The following TNIK variants were observed in gnomAD, a reference collection of about 807,000 sequenced individuals.
The protein encoded by TNIK is TRAF2 and NCK interacting kinase.
In TNIK, 49 loss-of-function variants were observed where a neutral mutation model predicts 191.3. The ratio of observed to expected loss-of-function variants is 0.26; its 90% CI spans 0.20 to 0.32. TNIK has a LOEUF of 0.32. TNIK is among the 10% of genes least tolerant of loss of function. The pLI, the probability that TNIK is intolerant of heterozygous loss-of-function variation, is 1.00. For missense variants in TNIK, 1,155 were observed against 1,702.3 expected (o/e 0.68, Z 5.66); for synonymous variants, 594 against 600.9 (o/e 0.99, Z 0.17).
chr3:171,360,259 T>G (rs1266782840), intron 2 of TNIK, among the ~76,000 whole-genome samples: 2 of 152,210 alleles, frequency 1.3e-5, no homozygotes, highest in Non-Finnish European at 2.9e-5. Context: ...TGTGTCTACA[T>G]CCTTCAACAC....
chr3:171,232,138 T>C (rs1327284932), intron 2 of TNIK, among the ~76,000 whole-genome samples: 1 of 152,072 alleles, frequency 6.6e-6, no homozygotes, highest in Non-Finnish European at 1.5e-5. Flanking sequence ...TTATTTTTCC[T>C]TATAAGAGAA....
At chr3:171,382,467 C>T (rs929297650) in intron 1 of TNIK, among the ~76,000 whole-genome samples, 2 of 152,140 alleles carry the variant, frequency 1.3e-5, no homozygotes, top group African/African-American at 4.8e-5. Context: ...GTAATCCCCT[C>T]GCCTCAGCCT....
chr3:171,145,596 C>T (rs1034988722), intron 12 of TNIK, among the ~76,000 whole-genome samples: 12 of 152,038 alleles, frequency 7.9e-5, no homozygotes, highest in African/African-American at 2.9e-4. Flanking sequence ...TTTGTCCCAC[C>T]TGTTCAGGGG....
intron 6 of TNIK, among the ~76,000 whole-genome samples, chr3:171,189,066 A>C (rs886615030): frequency 6.6e-6 from 1 of 152,130 alleles, no homozygotes; most frequent in Non-Finnish European, 1.5e-5. Flanking sequence ...TGTACCTATT[A>C]AACAATAGCT....
At chr3:171,238,016 A>G (rs1744507922) in intron 2 of TNIK, among the ~76,000 whole-genome samples, 1 of 152,216 alleles carries the variant, frequency 6.6e-6, no homozygotes, top group Non-Finnish European at 1.5e-5. Context: ...GGTTAATAGC[A>G]GAAGACCCAG....
chr3:171,303,956 C>T (rs16856138), intron 2 of TNIK, among the ~76,000 whole-genome samples: 7,911 of 149,854 alleles, frequency 0.053, 235 homozygotes, highest in African/African-American at 0.066. Context: ...TGTGCAGAGG[C>T]GCTGAAGAAC....
chr3:171,417,708 A>C (rs1360761154), intron 1 of TNIK, among the ~76,000 whole-genome samples: 2 of 152,156 alleles, frequency 1.3e-5, no homozygotes, highest in Admixed American at 6.6e-5. Context: ...AACTTCAATA[A>C]GTATGTTTCT....
chr3:171,439,970 C>G (rs1403446096), intron 1 of TNIK, among the ~76,000 whole-genome samples: 1 of 152,170 alleles, frequency 6.6e-6, no homozygotes, highest in Non-Finnish European at 1.5e-5. Flanking sequence ...CCATACTCTC[C>G]CCATTACTCA....
chr3:171,396,098 G>T (rs78693341), intron 1 of TNIK, among the ~76,000 whole-genome samples: 7,667 of 151,780 alleles, frequency 0.051, 623 homozygotes, highest in African/African-American at 0.17. Context: ...CCACTCCTCA[G>T]ACCCCTCATC....
chr3:171,090,753 T>C (rs1043278169), intron 23 of TNIK, among the ~76,000 whole-genome samples: 1 of 152,116 alleles, frequency 6.6e-6, no homozygotes, highest in African/African-American at 2.4e-5. Flanking sequence ...GAGTAAAAAG[T>C]GGTCCTGTGG....
At chr3:171,302,767 A>C (rs540890474) in intron 2 of TNIK, among the ~76,000 whole-genome samples, 1 of 152,304 alleles carries the variant, frequency 6.6e-6, no homozygotes, top group African/African-American at 2.4e-5. Context: ...AAAGAATGAG[A>C]ACTCAAGGTC....
At chr3:171,447,063 C>A (rs562494389) in intron 1 of TNIK, among the ~76,000 whole-genome samples, 103 of 152,188 alleles carry the variant, frequency 6.8e-4, no homozygotes, top group African/African-American at 2.3e-3. Context: ...TGGTGGCGAG[C>A]GCCTGTAATC....
intron 2 of TNIK, among the ~76,000 whole-genome samples, chr3:171,332,672 T>C (rs1337460209): frequency 6.6e-6 from 1 of 152,154 alleles, no homozygotes; most frequent in Non-Finnish European, 1.5e-5. Context: ...GATTCAGCTA[T>C]AACCTGAAGG....
intron 7 of TNIK, among the ~76,000 whole-genome samples, chr3:171,184,444 G>A (rs1178337704): frequency 1.3e-5 from 2 of 152,212 alleles, no homozygotes; most frequent in Admixed American, 6.5e-5. Flanking sequence ...CATGTTGCGT[G>A]GAGGAGGTAC....
intron 10 of TNIK, among the ~76,000 whole-genome samples, chr3:171,165,673 A>G (rs1336333613): frequency 6.6e-6 from 1 of 152,202 alleles, no homozygotes; most frequent in Non-Finnish European, 1.5e-5. Flanking sequence ...AACTGAAGAG[A>G]GGAGAGAAAT....
intron 3 of TNIK, among the ~76,000 whole-genome samples, chr3:171,226,461 GACAT>G (rs1439213604): frequency 6.6e-6 from 1 of 152,120 alleles, no homozygotes; most frequent in Non-Finnish European, 1.5e-5. Flanking sequence ...CCATATCACT[GACAT>G]ACATCCCTAG....
At chr3:171,149,965 C>G (rs532823128) in intron 12 of TNIK, among the ~76,000 whole-genome samples, 162 of 152,286 alleles carry the variant, frequency 1.1e-3, no homozygotes, top group African/African-American at 3.7e-3. Flanking sequence ...TGTTAACACT[C>G]CAGGCTCTGA....
chr3:171,182,852 T>G (rs781637846), intron 7 of TNIK, among the ~76,000 whole-genome samples: 4 of 152,206 alleles, frequency 2.6e-5, no homozygotes, highest in Non-Finnish European at 5.9e-5. Context: ...AAGGTGCCTA[T>G]GGTCTGCAGC....
At chr3:171,212,718 G>A (rs1740985494) in intron 3 of TNIK, among the ~76,000 whole-genome samples, 1 of 152,156 alleles carries the variant, frequency 6.6e-6, no homozygotes, top group Non-Finnish European at 1.5e-5. Context: ...CTAGCACCAA[G>A]CAGTGCCTGT....
Sources: allele counts gnomAD v4.1 joint callset (sites outside exome capture counted in the v4.1 genomes callset), GRCh38; gene constraint gnomAD v4.1.1; transcripts MANE v1.5; gene names NCBI Gene and HGNC (gene_info 2026-07-23, HGNC 2026-07-21).